Variants in TOX observed in about 807,000 individuals in gnomAD.
The protein encoded by TOX is thymocyte selection-associated high mobility group box protein TOX.
Under a neutral mutation model 53.7 loss-of-function variants are expected in TOX, and 11 were observed. That is an observed-to-expected ratio of 0.20 (90% CI 0.13 to 0.34). TOX has a LOEUF of 0.34. TOX is among the 10% of genes least tolerant of loss of function. The pLI is 1.00. For synonymous variants in TOX, 225 were observed against 245.3 expected (o/e 0.92, Z 0.77); for missense variants, 570 against 664.6 (o/e 0.86, Z 1.56).
At chr8:59,084,233 T>G (rs1173019914) in intron 1 of TOX, among the ~76,000 whole-genome samples, 1 of 152,164 alleles carries the variant, frequency 6.6e-6, no homozygotes, top group African/African-American at 2.4e-5. Context: ...ACTTAAAATA[T>G]TACATCTTTA....
At chr8:59,115,019 C>A (rs1805078063) in intron 1 of TOX, among the ~76,000 whole-genome samples, 1 of 152,082 alleles carries the variant, frequency 6.6e-6, no homozygotes, top group Non-Finnish European at 1.5e-5. Flanking sequence ...ACTGTCCTTC[C>A]TCATTTCAAT....
chr8:59,018,548 T>C (rs1424900931), intron 1 of TOX, among the ~76,000 whole-genome samples: 2 of 152,176 alleles, frequency 1.3e-5, no homozygotes, highest in African/African-American at 2.4e-5. Context: ...ATGTCTCTAT[T>C]GCAAGATTTC....
intron 3 of TOX, among the ~76,000 whole-genome samples, chr8:58,876,330 C>G (rs546252148): frequency 3.6e-4 from 55 of 152,122 alleles, no homozygotes; most frequent in African/African-American, 1.2e-3. Flanking sequence ...ATATTGGGTC[C>G]TGGTAGACAG....
Position 59,118,012 on chromosome 8 carries a change from C to T in TOX, c.102+874G>A, listed in dbSNP as rs571511957. Among the ~76,000 whole-genome samples, 1 of 152,260 alleles carries T rather than the reference C, an allele frequency of 6.6e-6. No homozygotes were observed. Among genetic ancestry groups the T allele is most frequent in the South Asian group, 2.1e-4 (1 of 4,820 alleles). ...CCCCTCCCTCGTACCCCCTGACTGT[C>T]CTATAGGTGGACCCAGCCGAACTCC... On this transcript the variant is annotated intron_variant, in intron 1 of 8. Transcript: ENST00000361421. The surrounding 1 kb of genome is among the most constrained non-coding windows in gnomAD (Gnocchi z 4.1).
chr8:58,966,930 A>G (rs1478749534), intron 1 of TOX, among the ~76,000 whole-genome samples: 1 of 144,310 alleles, frequency 6.9e-6, no homozygotes, highest in East Asian at 2.1e-4. Context: ...GCTGGAGTGC[A>G]GTGGCACGAT....
chr8:59,074,399 T>C (rs888853924), intron 1 of TOX, among the ~76,000 whole-genome samples: 2 of 152,208 alleles, frequency 1.3e-5, no homozygotes, highest in African/African-American at 4.8e-5. Context: ...TACAGGTTCA[T>C]TCAATACTGA....
chr8:58,997,409 T>C (rs1813580743), intron 1 of TOX, among the ~76,000 whole-genome samples: 2 of 152,226 alleles, frequency 1.3e-5, no homozygotes, highest in South Asian at 4.1e-4. Context: ...GAACTGCACA[T>C]TTTGGTTCTG....
intron 3 of TOX, among the ~76,000 whole-genome samples, chr8:58,923,235 G>A (rs1195755812): frequency 6.6e-6 from 1 of 152,156 alleles, no homozygotes; most frequent in Non-Finnish European, 1.5e-5. Context: ...AGGCCAGTTA[G>A]GATCACTGCT....
chr8:58,811,870 C>G (rs916514638), intron 7 of TOX, among the ~76,000 whole-genome samples: 1 of 152,112 alleles, frequency 6.6e-6, no homozygotes, highest in Non-Finnish European at 1.5e-5. Context: ...AAAAATGAAA[C>G]TATTATTCCT....
chr8:59,028,561 G>GCATA (rs566256532), intron 1 of TOX, among the ~76,000 whole-genome samples: 3,285 of 151,722 alleles, frequency 0.022, 118 homozygotes, highest in African/African-American at 0.07. Flanking sequence ...ATAGATACAT[G>GCATA]CATACATACA....
At chr8:59,021,499 T>TATATATATATATATATATATACACAC (rs1554539851) in intron 1 of TOX, among the ~76,000 whole-genome samples, 5 of 109,626 alleles carry the variant, frequency 4.6e-5, no homozygotes, top group Admixed American at 9.8e-5. Flanking sequence ...TATATATATA[T>TATATATATATATATATATATACACAC]GCACATATAT....
At chr8:58,927,526 C>T (rs559609387) in intron 3 of TOX, among the ~76,000 whole-genome samples, 9 of 152,288 alleles carry the variant, frequency 5.9e-5, no homozygotes, top group Admixed American at 4.6e-4. Context: ...ATGAGAATCG[C>T]ACCTCCCACC....
At chr8:59,050,266 T>G (rs1218632114) in intron 1 of TOX, among the ~76,000 whole-genome samples, 1 of 152,172 alleles carries the variant, frequency 6.6e-6, no homozygotes, top group Non-Finnish European at 1.5e-5. Flanking sequence ...CAGCTCCAAG[T>G]TGACAAAGCA....
chr8:59,118,801 C>T lies in TOX; in HGVS notation c.102+85G>A, dbSNP rs991639674. The T allele has an allele frequency of 3.4e-4, 374 of 1,089,216 alleles. No individual in the cohort carries two copies. Among genetic ancestry groups the T allele is most frequent in the Non-Finnish European group, 4.3e-4 (331 of 774,552 alleles). 67.5% of individuals were successfully genotyped at this position (1,089,216 alleles called of 1,614,324 possible). A position where few individuals can be genotyped will look rare whatever the true frequency, so the allele number is the denominator to read the frequency against. The stretch of plus-strand genomic sequence containing the variant: ...CGCCCGGGACCGGCCTCCGCCAAGC[C>T]GGCCCCGCCGCGGCCCGGCCACCGC... On this transcript the variant is annotated intron_variant, in intron 1 of 8. Coordinates refer to ENST00000361421, the MANE Select transcript of TOX (RefSeq NM_014729.3). The surrounding 1 kb of genome is among the most constrained non-coding windows in gnomAD (Gnocchi z 4.1).
intron 4 of TOX, among the ~76,000 whole-genome samples, chr8:58,846,265 T>G (rs1810718072): frequency 2.0e-5 from 3 of 152,122 alleles, no homozygotes. Flanking sequence ...TTAGTTTAAT[T>G]GCTGTGATCT....
At chr8:59,074,733 A>C (rs1000415029) in intron 1 of TOX, among the ~76,000 whole-genome samples, 1 of 152,184 alleles carries the variant, frequency 6.6e-6, no homozygotes, top group Non-Finnish European at 1.5e-5. Flanking sequence ...GCCTCTTAGG[A>C]AGCCAAAAAT....
At chr8:58,864,439 T>C (rs1212443857) in intron 3 of TOX, among the ~76,000 whole-genome samples, 1 of 152,202 alleles carries the variant, frequency 6.6e-6, no homozygotes, top group African/African-American at 2.4e-5. Context: ...TTTGATACTA[T>C]ATTAGCAGAG....
At chr8:58,834,393 T>G (rs1348605527) in intron 5 of TOX, among the ~76,000 whole-genome samples, 19 of 152,214 alleles carry the variant, frequency 1.2e-4, no homozygotes, top group Non-Finnish European at 2.8e-4. Context: ...AATTTTGAAT[T>G]TTAATAGTCT....
chr8:59,004,515 T>C (rs2129418329), intron 1 of TOX, among the ~76,000 whole-genome samples: 1 of 152,366 alleles, frequency 6.6e-6, no homozygotes, highest in East Asian at 1.9e-4. Context: ...ACATTAGTGA[T>C]TGCATGCATT....
Sources: allele counts gnomAD v4.1 joint callset (sites outside exome capture counted in the v4.1 genomes callset), GRCh38; gene constraint gnomAD v4.1.1; non-coding constraint Gnocchi (gnomAD v3.1); transcripts MANE v1.5; gene names NCBI Gene and HGNC (gene_info 2026-07-23, HGNC 2026-07-21).